The following GRIN2B variants were observed in gnomAD, a reference collection of about 807,000 sequenced individuals.
GRIN2B encodes glutamate ionotropic receptor NMDA type subunit 2B.
Under a neutral mutation model 114.5 loss-of-function variants are expected in GRIN2B, and 5 were observed. The ratio of observed to expected loss-of-function variants is 0.04; its 90% confidence interval spans 0.02 to 0.09. The LOEUF is 0.09. Ranked by LOEUF, GRIN2B falls within the 10% of genes least tolerant of loss-of-function variation. The pLI is 1.00. For synonymous variants in GRIN2B, 787 were observed against 745.1 expected (o/e 1.06, Z -0.92); for missense variants, 1,108 against 1,943.5 (o/e 0.57, Z 8.08).
At chr12:13,906,959 G>T (rs1866546461) in intron 2 of GRIN2B, among the ~76,000 whole-genome samples, 1 of 152,064 alleles carries the variant, frequency 6.6e-6, no homozygotes, top group African/African-American at 2.4e-5. Context: ...AGGTTACTTA[G>T]CCATTAGTTA....
chr12:13,878,063 C>CAAA (rs71067735), intron 2 of GRIN2B, among the ~76,000 whole-genome samples: 3 of 73,220 alleles, frequency 4.1e-5, no homozygotes, highest in African/African-American at 1.1e-4. Context: ...GACTCTGTCT[C>CAAA]AAAAAAAAAA....
chr12:13,783,386 C>T (rs1366718739), intron 3 of GRIN2B, among the ~76,000 whole-genome samples: 1 of 146,058 alleles, frequency 6.8e-6, no homozygotes, highest in Non-Finnish European at 1.5e-5. Context: ...TACAGACATT[C>T]TTTGATCTCC....
intron 4 of GRIN2B, among the ~76,000 whole-genome samples, chr12:13,728,249 C>T (rs970441245): frequency 1.3e-5 from 2 of 152,136 alleles, no homozygotes; most frequent in African/African-American, 4.8e-5. Context: ...GAGTAGTCCT[C>T]CCAGGGTTGT....
intron 4 of GRIN2B, among the ~76,000 whole-genome samples, chr12:13,752,564 C>T (rs777791218): frequency 2.6e-5 from 4 of 152,076 alleles, no homozygotes; most frequent in South Asian, 2.1e-4. Context: ...AATAAAACCA[C>T]GAAAGTATAG....
Position 13,882,610 on chromosome 12 carries a change from G to A in GRIN2B, c.-18-16384C>T, listed in dbSNP as rs192344428. Among the ~76,000 whole-genome samples, 409 of 152,146 alleles carry A rather than the reference G, an allele frequency of 2.7e-3. 2 individuals carry two copies. The highest frequency in any genetic ancestry group is 4.1e-3 in the Non-Finnish European group (277 of 68,000). The stretch of plus-strand genomic sequence containing the variant: ...TCTTTCACAGCGTTGTGAGACTTAC[G>A]TGAGAAAATGGGTATGAAAGCAGTT... On this transcript the variant is annotated intron_variant, in intron 2 of 13. Transcript: ENST00000609686.
At chr12:13,735,407 C>T (rs1038569647) in intron 4 of GRIN2B, among the ~76,000 whole-genome samples, 2 of 152,178 alleles carry the variant, frequency 1.3e-5, no homozygotes, top group Non-Finnish European at 2.9e-5. Flanking sequence ...AAATTGATGT[C>T]TGGTCAAGCC....
chr12:13,746,585 T>A (rs896639634), intron 4 of GRIN2B, among the ~76,000 whole-genome samples: 2 of 152,152 alleles, frequency 1.3e-5, no homozygotes, highest in Non-Finnish European at 2.9e-5. Flanking sequence ...ACCCTCTGTA[T>A]CCCCTGCCCT....
At chr12:13,661,608 G>GA (rs1168363109) in intron 5 of GRIN2B, among the ~76,000 whole-genome samples, 1 of 152,132 alleles carries the variant, frequency 6.6e-6, no homozygotes, top group Admixed American at 6.5e-5. Context: ...TTTAAGCAGG[G>GA]AATGACTCTT....
At chr12:13,665,337 G>A (rs1236259514) in intron 5 of GRIN2B, among the ~76,000 whole-genome samples, 4 of 151,834 alleles carry the variant, frequency 2.6e-5, no homozygotes, top group African/African-American at 7.3e-5. Flanking sequence ...TCACAGTCTG[G>A]GCTAACCAGC....
chr12:13,638,297 C>A (rs1949683593), intron 5 of GRIN2B, among the ~76,000 whole-genome samples: 2 of 152,000 alleles, frequency 1.3e-5, no homozygotes, highest in South Asian at 4.2e-4. Context: ...GAGACTAGTC[C>A]CTACAATACC....
intron 4 of GRIN2B, among the ~76,000 whole-genome samples, chr12:13,696,472 C>T (rs569413364): frequency 1.3e-5 from 2 of 152,264 alleles, no homozygotes; most frequent in South Asian, 4.1e-4. Context: ...GATGTCCTCT[C>T]AAATCTCAGA....
intron 4 of GRIN2B, among the ~76,000 whole-genome samples, chr12:13,686,594 T>C (rs1950175746): frequency 6.6e-6 from 1 of 152,188 alleles, no homozygotes; most frequent in Non-Finnish European, 1.5e-5. Context: ...AAGAGATTTT[T>C]CAACCCCTAT....
intron 2 of GRIN2B, among the ~76,000 whole-genome samples, chr12:13,901,463 A>T (rs1262353973): frequency 1.3e-5 from 2 of 152,156 alleles, no homozygotes; most frequent in Non-Finnish European, 2.9e-5. Context: ...AATCTAAATC[A>T]GTGTTGTCTA....
intron 2 of GRIN2B, among the ~76,000 whole-genome samples, chr12:13,885,977 A>T (rs1025842958): frequency 2.6e-4 from 40 of 152,158 alleles, no homozygotes; most frequent in Non-Finnish European, 1.5e-5. Context: ...TAAATTTGGA[A>T]ATCTACATTT....
Position 13,615,070 on chromosome 12 carries a change from C to T in GRIN2B, c.1654+44G>A. 6.5e-7 allele frequency: 1 copy of T among 1,547,926 alleles called. No homozygotes were observed. The highest frequency in any genetic ancestry group is 2.2e-5 in the East Asian group (1 of 44,502). On this transcript the variant is annotated intron_variant, in intron 8 of 13. Coordinates refer to ENST00000609686, the MANE Select transcript of GRIN2B (RefSeq NM_000834.5). The surrounding 1 kb of genome is among the most constrained non-coding windows in gnomAD (Gnocchi z 5.8). ...TCCTTTTTTCCTTATTTCACTTCCCCATCCATACGTCCATTTCCTTCCACC... is the reference window on the plus strand; with the variant it reads ...TCCTTTTTTCCTTATTTCACTTCCCTATCCATACGTCCATTTCCTTCCACC...
chr12:13,629,593 C>T (rs907381452), intron 5 of GRIN2B, among the ~76,000 whole-genome samples: 4 of 152,044 alleles, frequency 2.6e-5, no homozygotes, highest in Non-Finnish European at 4.4e-5. Context: ...TTATTCCCCA[C>T]GTTTCACCCT....
chr12:13,597,680 G>A (rs1367683613), intron 10 of GRIN2B, among the ~76,000 whole-genome samples: 7 of 152,136 alleles, frequency 4.6e-5, no homozygotes, highest in Non-Finnish European at 1.0e-4. Flanking sequence ...CAGGCAGAGT[G>A]CTTTCTCGCT....
chr12:13,666,038 A>T (rs1591665999), intron 5 of GRIN2B, among the ~76,000 whole-genome samples: 1 of 152,338 alleles, frequency 6.6e-6, no homozygotes, highest in South Asian at 2.1e-4. Flanking sequence ...GACATCTGAC[A>T]GCAAACGCTT....
chr12:13,618,986 G>GA (rs3081920), intron 5 of GRIN2B, among the ~76,000 whole-genome samples: 50 of 151,448 alleles, frequency 3.3e-4, no homozygotes, highest in African/African-American at 4.8e-4. Flanking sequence ...ACCCAAAAAG[G>GA]AAAAAAAAGA....
Sources: gnomAD v4.1 joint callset for allele counts (sites outside exome capture counted in the v4.1 genomes callset) on GRCh38, gnomAD v4.1.1 for gene constraint, Gnocchi (gnomAD v3.1) non-coding constraint, MANE v1.5 for transcripts, NCBI Gene and HGNC (gene_info 2026-07-23, HGNC 2026-07-21) for gene names.